Variants in FAM13A observed in about 807,000 individuals in gnomAD.
FAM13A encodes the protein family with sequence similarity 13 member A, also known as protein FAM13A.
A neutral mutation model predicts 129.6 loss-of-function variants in FAM13A; 76 were observed. The ratio of observed to expected loss-of-function variants is 0.59; its 90% CI spans 0.49 to 0.71. The LOEUF (loss-of-function observed/expected upper bound fraction) is 0.71, where lower values mean the gene tolerates loss of function less well. FAM13A is among the 30% of genes least tolerant of loss of function. FAM13A has a pLI of 0.00. For missense variants in FAM13A, 1,108 were observed against 1,249.3 expected, an observed-to-expected ratio of 0.89 and a Z score of 1.70; for synonymous variants, 443 against 449.9, an observed-to-expected ratio of 0.98 and a Z score of 0.20.
At chr4:88,984,726 C>T (rs1762036899) in intron 4 of FAM13A, among the ~76,000 whole-genome samples, 1 of 152,018 alleles carries the variant, frequency 6.6e-6, no homozygotes, top group Non-Finnish European at 1.5e-5. Context: ...TTGCCATTTT[C>T]CTATTAGGTC....
At chr4:88,822,392 AAAC>A (rs1002718960) in intron 7 of FAM13A, among the ~76,000 whole-genome samples, 1 of 152,216 alleles carries the variant, frequency 6.6e-6, no homozygotes, top group Non-Finnish European at 1.5e-5. Context: ...GAAGGAACAA[AAAC>A]AGTCTTGCAC....
At chr4:88,977,552 C>A (rs1289326687) in intron 4 of FAM13A, among the ~76,000 whole-genome samples, 1 of 152,108 alleles carries the variant, frequency 6.6e-6, no homozygotes, top group Non-Finnish European at 1.5e-5. Context: ...TGTAATATAA[C>A]AAAATACATT....
At chr4:88,919,095 T>C (rs939263813) in intron 5 of FAM13A, among the ~76,000 whole-genome samples, 2 of 152,236 alleles carry the variant, frequency 1.3e-5, no homozygotes, top group Non-Finnish European at 1.5e-5. Context: ...TAAATAGCTA[T>C]ATTGTTGTAT....
intron 6 of FAM13A, among the ~76,000 whole-genome samples, chr4:88,865,768 A>G (rs1740285755): frequency 6.6e-6 from 1 of 152,218 alleles, no homozygotes; most frequent in Non-Finnish European, 1.5e-5. Flanking sequence ...GTGTTCCTAC[A>G]AAACTACTGA....
intron 4 of FAM13A, among the ~76,000 whole-genome samples, chr4:88,985,212 C>T (rs995755885): frequency 6.6e-6 from 1 of 152,104 alleles, no homozygotes; most frequent in African/African-American, 2.4e-5. Flanking sequence ...TGTATGATTA[C>T]ATTTATATGA....
At chr4:88,832,017 T>A (rs7691861) in intron 7 of FAM13A, among the ~76,000 whole-genome samples, 1 of 152,094 alleles carries the variant, frequency 6.6e-6, no homozygotes, top group Non-Finnish European at 1.5e-5. Context: ...CAAAACAGCA[T>A]GGTACTGGTA....
At chr4:89,043,968 C>T (rs1770497942) in intron 1 of FAM13A, among the ~76,000 whole-genome samples, 1 of 151,898 alleles carries the variant, frequency 6.6e-6, no homozygotes, top group South Asian at 2.1e-4. Context: ...CATGGTGGCA[C>T]ACACCTAGAG....
chr4:88,811,096 C>A (rs926602295), intron 7 of FAM13A, among the ~76,000 whole-genome samples: 6 of 152,150 alleles, frequency 3.9e-5, no homozygotes, highest in African/African-American at 1.4e-4. Flanking sequence ...AAAACTATTT[C>A]TTTCTCTGTC....
chr4:88,777,198 G>A (rs1721919975), intron 11 of FAM13A, among the ~76,000 whole-genome samples: 1 of 152,090 alleles, frequency 6.6e-6, no homozygotes, highest in Non-Finnish European at 1.5e-5. Flanking sequence ...TTTTTATGCC[G>A]GTGTCAGGTA....
At chr4:89,012,409 A>C (rs1255469405) in intron 3 of FAM13A, among the ~76,000 whole-genome samples, 4 of 152,208 alleles carry the variant, frequency 2.6e-5, no homozygotes. Context: ...TGTCTCTTAA[A>C]TATAAATTGT....
intron 4 of FAM13A, among the ~76,000 whole-genome samples, chr4:88,966,745 A>C (rs961154055): frequency 6.6e-6 from 1 of 152,180 alleles, no homozygotes; most frequent in Non-Finnish European, 1.5e-5. Context: ...TGAACTACCA[A>C]AATAAGTTCA....
chr4:88,924,962 C>G (rs1751843285), intron 5 of FAM13A, among the ~76,000 whole-genome samples: 1 of 151,326 alleles, frequency 6.6e-6, no homozygotes, highest in African/African-American at 2.4e-5. Context: ...AAATGCTCAT[C>G]ATCACTGGCC....
intron 5 of FAM13A, among the ~76,000 whole-genome samples, chr4:88,916,322 T>G (rs546355045): frequency 1.3e-5 from 2 of 152,234 alleles, no homozygotes; most frequent in African/African-American, 2.4e-5. Context: ...TAATCCAATA[T>G]AGAGTTTTCC....
chr4:88,923,056 C>T (rs1260154710), intron 5 of FAM13A, among the ~76,000 whole-genome samples: 1 of 152,226 alleles, frequency 6.6e-6, no homozygotes, highest in African/African-American at 2.4e-5. Flanking sequence ...TGGCAATAAT[C>T]AATAGCTTAC....
At chr4:88,813,119 TAC>T in intron 7 of FAM13A, among the ~76,000 whole-genome samples, 1 of 152,174 alleles carries the variant, frequency 6.6e-6, no homozygotes, top group Middle Eastern at 3.2e-3. Context: ...CTTTGTGGTA[TAC>T]AGAGAACCCA....
chr4:88,887,461 T>C (rs182811491), intron 6 of FAM13A, among the ~76,000 whole-genome samples: 3 of 152,236 alleles, frequency 2.0e-5, no homozygotes, highest in Non-Finnish European at 4.4e-5. Flanking sequence ...TTTCATTCTC[T>C]AGTCATCTGA....
chr4:88,913,231 A>AGAG (rs1749433229), intron 5 of FAM13A, among the ~76,000 whole-genome samples: 1 of 67,280 alleles, frequency 1.5e-5, no homozygotes, highest in African/African-American at 4.3e-5. Flanking sequence ...AGGAAGAGGA[A>AGAG]GAAGAGGAGG....
rs780691036 is a variant in FAM13A, at chr4:88,790,541, A to C, written c.1091+45T>G. On this transcript the variant is annotated intron_variant, in intron 9 of 23. Coordinates refer to ENST00000264344, the MANE Select transcript of FAM13A (RefSeq NM_014883.4). Reference sequence around the variant, plus strand: ...GTTTAATAAGTGGGACAGGGCATTAAAAAAAAAAAACCCAAAGCCCAAAAA... The same window carrying C: ...GTTTAATAAGTGGGACAGGGCATTACAAAAAAAAAACCCAAAGCCCAAAAA... 4.1e-6 allele frequency: 6 copies of C among 1,446,882 alleles called. No homozygotes were observed. The African/African-American group carries it at 5.8e-5, about 14-fold the overall frequency. 89.6% of individuals were successfully genotyped at this position (1,446,882 alleles called of 1,614,324 possible). A position where few individuals can be genotyped will look rare whatever the true frequency, so the allele number is the denominator to read the frequency against.
At chr4:89,051,879 G>C (rs1306917963) in intron 1 of FAM13A, among the ~76,000 whole-genome samples, 2 of 152,126 alleles carry the variant, frequency 1.3e-5, no homozygotes, top group Non-Finnish European at 2.9e-5. Context: ...CTGACCTTCA[G>C]GCCACTGGGA....
Sources: gnomAD v4.1 joint callset for allele counts (sites outside exome capture counted in the v4.1 genomes callset) on GRCh38, gnomAD v4.1.1 for gene constraint, MANE v1.5 for transcripts, NCBI Gene and HGNC (gene_info 2026-07-23, HGNC 2026-07-21) for gene names.